Variants in C4BPB observed in about 807,000 individuals in gnomAD.
C4BPB encodes C4b-binding protein beta chain.
A neutral mutation model predicts 26.6 loss-of-function variants in C4BPB; 19 were observed. That is an observed-to-expected ratio of 0.71 (90% CI 0.50 to 1.05). C4BPB has a LOEUF of 1.05. Ranked by LOEUF, C4BPB falls within the 50% of genes least tolerant of loss-of-function variation. The pLI is 0.00. For synonymous variants in C4BPB, 118 were observed against 103.5 expected, an observed-to-expected ratio of 1.14 and a Z score of -0.85; for missense variants, 282 against 302.9, an observed-to-expected ratio of 0.93 and a Z score of 0.51.
intron 4 of C4BPB, chr1:207,095,587 C>T: frequency 2.7e-6 from 1 of 366,760 alleles, no homozygotes; most frequent in South Asian, 2.0e-5. Context: ...CTTCAGCCTC[C>T]CAAAGTGCTG....
intron 5 of C4BPB, among the ~76,000 whole-genome samples, chr1:207,097,431 T>C (rs1425383604): frequency 6.6e-6 from 1 of 151,562 alleles, no homozygotes; most frequent in Admixed American, 6.6e-5. Flanking sequence ...CAGGCTGGTC[T>C]TGAACTCCTG....
At chr1:207,094,370 A>C (rs1684163558) in intron 4 of C4BPB, among the ~76,000 whole-genome samples, 1 of 152,186 alleles carries the variant, frequency 6.6e-6, no homozygotes, top group South Asian at 2.1e-4. Flanking sequence ...CAAACTATAT[A>C]TGCTCTTACA....
chr1:207,098,184 G>A lies in C4BPB; in HGVS notation c.538G>A (p.Val180Ile), dbSNP rs148882235. The change falls in exon 6 of 7, where the codon GTT (valine) becomes ATT (isoleucine). Residue 180 changes from valine (V) to isoleucine (I), a missense_variant. Transcript: ENST00000367078. The part of the protein sequence containing the change: ...YLVGVQEQQC[V>I]DGEWSSALPV... ...AGTGGGCGTGCAGGAGCAGCAATGC[G>A]TTGATGGGGAGTGGAGCAGTGCACT... The A allele has an allele frequency of 1.3e-4, 204 of 1,614,102 alleles. 6 individuals are homozygous for A. The South Asian group carries it at 1.7e-3, about 14-fold the overall frequency.
rs1171287325 is a variant in C4BPB at position 207,099,798 on chromosome 1, C to G, written c.628C>G (p.Gln210Glu). Residue 210 changes from glutamine to glutamate, a missense_variant, in exon 7 of 7, where the codon CAG becomes GAG. Coordinates refer to ENST00000367078, the MANE Select transcript of C4BPB (RefSeq NM_001017365.3). ...PECEKALLAF[Q>E]ESKNLCEAME... The stretch of plus-strand genomic sequence containing the variant: ...AATTTTCTTTCTTCAGCTTGCCTTT[C>G]AGGAGAGTAAGAACCTCTGCGAAGC... The G allele has an allele frequency of 1.6e-5, 26 of 1,611,692 alleles. No individual in the cohort carries two copies. The highest frequency in any genetic ancestry group is 2.5e-6 in the Non-Finnish European group (3 of 1,179,350).
chr1:207,089,436 G>C, intron 1 of C4BPB, 46 bp from the exon 2 acceptor site: 4 of 992,886 alleles, frequency 4.0e-6, no homozygotes, highest in Non-Finnish European at 4.8e-6. Context: ...GAGGTGGTTA[G>C]GTTGGTCTTA....
intron 4 of C4BPB, among the ~76,000 whole-genome samples, chr1:207,093,382 T>C (rs969629875): frequency 6.6e-6 from 1 of 152,214 alleles, no homozygotes; most frequent in Admixed American, 6.5e-5. Flanking sequence ...GGGAAAGGAA[T>C]ACTTGCCGTA....
At chr1:207,091,944 C>T (rs1273427778) in intron 4 of C4BPB, 124 bp downstream of exon 4, 2 of 788,350 alleles carry the variant, frequency 2.5e-6, no homozygotes, top group South Asian at 2.0e-5. Flanking sequence ...TAAGATCTAG[C>T]AGACAGCCAT....
intron 5 of C4BPB, chr1:207,097,871 A>G (rs1306340876): frequency 1.1e-5 from 3 of 273,678 alleles, no homozygotes; most frequent in African/African-American, 6.6e-5. Context: ...CACTCTCCCC[A>G]CCCAAAACCT....
In C4BPB at chr1:207,099,794, C is replaced by T. The variant is rs1466796468; in HGVS notation, c.624C>T (p.Ala208=). The T allele has an allele frequency of 8.1e-6, 13 of 1,609,806 alleles. No individual in the cohort carries two copies. Among genetic ancestry groups the T allele is most frequent in the Non-Finnish European group, 1.1e-5 (13 of 1,178,838 alleles). The change falls in exon 7 of 7, where the codon GCC becomes GCT. Residue 208 remains alanine, a synonymous_variant. Transcript: ENST00000367078. ...PKPECEKALL[A]FQESKNLCEA... is the part of the protein sequence containing the mutation. ...GAAAAATTTTCTTTCTTCAGCTTGC[C>T]TTTCAGGAGAGTAAGAACCTCTGCG...
chr1:207,091,954 T>C (rs55663401), intron 4 of C4BPB, 134 bp downstream of exon 4: 2 of 719,892 alleles, frequency 2.8e-6, no homozygotes, highest in Middle Eastern at 3.8e-4. Context: ...CAGACAGCCA[T>C]GAAACAAGTG....
intron 4 of C4BPB, 112 bp from the exon 5 acceptor site, chr1:207,096,410 A>G: frequency 1.4e-6 from 1 of 723,474 alleles, no homozygotes; most frequent in South Asian, 1.5e-5. Context: ...GTGCTGGCGC[A>G]GGTGTTGCTC....
intron 4 of C4BPB, chr1:207,095,722 G>C (rs1304877916): frequency 3.1e-6 from 1 of 322,624 alleles, no homozygotes; most frequent in African/African-American, 2.2e-5. Flanking sequence ...GTTGGAGGTG[G>C]TGCTTGGTGG....
At chr1:207,096,466 G>C in intron 4 of C4BPB, 56 bp from the exon 5 acceptor site, 1 of 1,039,610 alleles carries the variant, frequency 9.6e-7, no homozygotes, top group Non-Finnish European at 1.5e-6. Context: ...TAGGGGTGCT[G>C]TTCATTGAGC....
chr1:207,096,571 T>G lies in C4BPB; in HGVS notation c.459T>G (p.Asn153Lys), dbSNP rs368269285. The stretch of plus-strand genomic sequence containing the variant: ...CAGTTCATGGCTATTTTGAAGGAAA[T>G]AACTTCACCTTAGGATCCACCATTA... ...GNPVHGYFEG[N>K]NFTLGSTISY... The change falls in exon 5 of 7, where the codon AAT (asparagine) becomes AAG (lysine). Residue 153 changes from asparagine (N) to lysine (K), a missense_variant. Coordinates refer to ENST00000367078, the MANE Select transcript of C4BPB (RefSeq NM_001017365.3). The G allele has an allele frequency of 6.2e-7, 1 of 1,610,030 alleles. No individual in the cohort carries two copies.
chr1:207,096,428 G>T, intron 4 of C4BPB, 94 bp from the exon 5 acceptor site: 1 of 777,208 alleles, frequency 1.3e-6, no homozygotes. Flanking sequence ...CTCTGAGGCT[G>T]TCAGGTGCTG....
chr1:207,095,829 C>T (rs966129081), intron 4 of C4BPB: 1 of 186,304 alleles, frequency 5.4e-6, no homozygotes, highest in African/African-American at 2.4e-5. Flanking sequence ...CTCATGAGAT[C>T]TGGTTGTTTA....
intron 4 of C4BPB, chr1:207,096,202 C>T (rs1420999346): frequency 6.3e-6 from 2 of 315,156 alleles, no homozygotes; most frequent in African/African-American, 2.3e-5. Context: ...TTTTCTTGTA[C>T]ATTAACAATT....
intron 2 of C4BPB, among the ~76,000 whole-genome samples, chr1:207,090,012 C>T (rs893025104): frequency 2.0e-5 from 3 of 152,218 alleles, no homozygotes; most frequent in Non-Finnish European, 4.4e-5. Context: ...CGGCTCAAGC[C>T]TGTAATCCCG....
intron 4 of C4BPB, 200 bp from the exon 5 acceptor site, chr1:207,096,322 C>A: frequency 1.8e-6 from 1 of 566,326 alleles, no homozygotes; most frequent in Non-Finnish European, 3.1e-6. Flanking sequence ...TTCCCATGGA[C>A]AAATATGATT....
Sources: allele counts gnomAD v4.1 joint callset (sites outside exome capture counted in the v4.1 genomes callset), GRCh38; gene constraint gnomAD v4.1.1; transcripts MANE v1.5; gene names NCBI Gene and HGNC (gene_info 2026-07-23, HGNC 2026-07-21).